HAVCR1: variants seen among roughly 807,000 people sequenced by gnomAD.
HAVCR1 encodes hepatitis A virus cellular receptor 1, also known as T cell immunoglobin domain and mucin domain protein 1.
A neutral mutation model predicts 32.0 loss-of-function variants in HAVCR1; 34 were observed. That is an observed-to-expected ratio of 1.06 (90% confidence interval 0.81 to 1.42). The LOEUF (loss-of-function observed/expected upper bound fraction) is 1.42, where lower values mean the gene tolerates loss of function less well. Among genes scored for constraint, HAVCR1 ranks in the 40% most tolerant of loss-of-function variants. The pLI is 0.00. For synonymous variants in HAVCR1, 178 were observed against 170.3 expected, an observed-to-expected ratio of 1.05 and a Z score of -0.35; for missense variants, 420 against 442.3, an observed-to-expected ratio of 0.95 and a Z score of 0.45.
chr5:157,043,945 C>T (rs1289146276), intron 5 of HAVCR1, among the ~76,000 whole-genome samples: 2 of 152,198 alleles, frequency 1.3e-5, no homozygotes. Flanking sequence ...GGTGACAATG[C>T]TATAGGGCTC....
At chr5:157,053,450 C>G (rs921847992) in intron 3 of HAVCR1, among the ~76,000 whole-genome samples, 10 of 150,312 alleles carry the variant, frequency 6.7e-5, no homozygotes, top group Non-Finnish European at 1.2e-4. Flanking sequence ...AATCCAAGTC[C>G]AAAAGCTAAG....
intron 1 of HAVCR1, chr5:157,058,472 A>T (rs1756365317): frequency 6.5e-6 from 1 of 153,356 alleles, no homozygotes; most frequent in African/African-American, 2.4e-5. Flanking sequence ...CTGAGGCAGG[A>T]GAATGGCGTG....
chr5:157,035,411 T>G (rs1301851144), intron 7 of HAVCR1, among the ~76,000 whole-genome samples: 1 of 152,164 alleles, frequency 6.6e-6, no homozygotes, highest in Non-Finnish European at 1.5e-5. Context: ...AATAGCTAAC[T>G]AGGGTTCTTT....
intron 2 of HAVCR1, among the ~76,000 whole-genome samples, chr5:157,055,917 T>TA (rs1472526546): frequency 2.0e-5 from 3 of 151,886 alleles, no homozygotes; most frequent in Non-Finnish European, 2.9e-5. Context: ...TTACTTTCTT[T>TA]AAAAAAATAT....
At chr5:157,038,213 T>C (rs1415636235) in intron 6 of HAVCR1, among the ~76,000 whole-genome samples, 11 of 152,150 alleles carry the variant, frequency 7.2e-5, no homozygotes, top group Admixed American at 6.5e-4. Context: ...TTCAACGCTA[T>C]GCAATCATGA....
chr5:157,044,297 A>G (rs909895547), intron 5 of HAVCR1, among the ~76,000 whole-genome samples: 3 of 150,396 alleles, frequency 2.0e-5, no homozygotes, highest in African/African-American at 7.4e-5. Flanking sequence ...GTGCCACTGC[A>G]CTCCAGCCTG....
chr5:157,032,777 G>A (rs1053566309), intron 8 of HAVCR1, 77 bp downstream of exon 8: 3 of 881,434 alleles, frequency 3.4e-6, no homozygotes, highest in African/African-American at 1.7e-5. Context: ...GAGAGTTTAG[G>A]AGAGAGACAG....
rs1468752468 is a variant in HAVCR1 at position 157,055,367 on chromosome 5, A to T, written c.213T>A (p.Tyr71Ter). 1 of 1,613,922 alleles carries T rather than the reference A, an allele frequency of 6.2e-7. No homozygotes were observed. Among genetic ancestry groups the T allele is most frequent in the South Asian group, 1.1e-5 (1 of 91,082 alleles). ...IVWTNGTHVT[Y>*]RKDTRYKLLG... Reference sequence around the variant, plus strand: ...ATAGCTTATAGCGTGTGTCCTTCCGATAGGTGACGTGGGTTCCATTGGTCC... The same window carrying T: ...ATAGCTTATAGCGTGTGTCCTTCCGTTAGGTGACGTGGGTTCCATTGGTCC... The change falls in exon 3 of 9, where the codon TAT (tyrosine) becomes TAA (stop). Residue 71 changes from tyrosine (Y) to a stop codon, truncating the protein, a stop_gained. Transcript: ENST00000523175. LOFTEE classifies it high-confidence loss of function.
At chr5:157,065,702 A>T in the HAVCR1 span, among the ~76,000 whole-genome samples, 6 of 152,110 alleles carry the variant, frequency 3.9e-5, no homozygotes, top group Admixed American at 6.6e-5. Flanking sequence ...TAAAAACACA[A>T]AAATTGGCCG....
chr5:157,064,476 T>C, the HAVCR1 span, among the ~76,000 whole-genome samples: 1 of 151,890 alleles, frequency 6.6e-6, no homozygotes, highest in African/African-American at 2.4e-5. Flanking sequence ...GCAAACAGGA[T>C]TTCCTGTAGG....
upstream of HAVCR1, among the ~76,000 whole-genome samples, chr5:157,063,381 G>T (rs900845164): frequency 1.3e-5 from 2 of 150,252 alleles, no homozygotes; most frequent in African/African-American, 4.9e-5. Flanking sequence ...TGCCTCCTGG[G>T]TTCAAGCGAT....
At chr5:157,036,172 G>A (rs1478797556) in intron 7 of HAVCR1, among the ~76,000 whole-genome samples, 9 of 152,172 alleles carry the variant, frequency 5.9e-5, no homozygotes, top group Non-Finnish European at 8.8e-5. Context: ...GCAAAACCCC[G>A]TCTCTACTAA....
the HAVCR1 span, among the ~76,000 whole-genome samples, chr5:157,065,229 G>T: frequency 6.6e-6 from 1 of 152,028 alleles, no homozygotes; most frequent in South Asian, 2.1e-4. Context: ...TGAGGCAGGA[G>T]AATGGTGTGA....
rs138006717 is a variant in HAVCR1 at position 157,048,889 on chromosome 5, G to C, written c.781+149C>G. On this transcript the variant is annotated intron_variant, in intron 5 of 8. Coordinates refer to ENST00000523175, the MANE Select transcript of HAVCR1 (RefSeq NM_001173393.3). ...CACCAATGACAAAACATTCAGAAAG[G>C]GTAGATATTTGTACAAGTCAAATGA... 471 of 605,852 alleles carry C rather than the reference G, an allele frequency of 7.8e-4. 1 individual carries two copies. Among genetic ancestry groups the C allele is most frequent in the African/African-American group, 7.6e-3 (408 of 53,806 alleles). The allele number at this position is 605,852 out of a possible 1,614,324, so 37.5% of individuals were successfully genotyped here.
intron 5 of HAVCR1, among the ~76,000 whole-genome samples, chr5:157,044,625 GAAAGAA>G (rs1432681131): frequency 1.6e-3 from 85 of 51,936 alleles, no homozygotes; most frequent in East Asian, 3.7e-3. Flanking sequence ...GAGAAAGAAA[GAAAGAA>G]AGAAAGAAAG....
Position 157,055,528 on chromosome 5 carries a change from C to T in HAVCR1, c.52G>A (p.Val18Ile). The T allele has an allele frequency of 1.3e-6, 2 of 1,553,856 alleles. No homozygotes were observed. Among genetic ancestry groups the T allele is most frequent in the South Asian group, 1.2e-5 (1 of 84,312 alleles). ...CCACCAACCTTTACAGAACCAGCTA[C>T]AGAATCTGCAAAGAAGAAAAGACAA... Reference protein sequence around the residue: ...LSLILHLADSVAGSVKVGGEA... With the variant: ...LSLILHLADSIAGSVKVGGEA... Residue 18 changes from valine to isoleucine, a missense_variant, in exon 3 of 9, where the codon GTA (valine) becomes ATA (isoleucine). By Grantham distance (29) the Val-to-Ile change is conservative. Coordinates refer to ENST00000523175, the MANE Select transcript of HAVCR1 (RefSeq NM_001173393.3).
upstream of HAVCR1, among the ~76,000 whole-genome samples, chr5:157,059,710 A>C (rs1463876208): frequency 1.3e-5 from 2 of 152,230 alleles, no homozygotes; most frequent in Admixed American, 6.5e-5. Context: ...CTTGCCAGGC[A>C]CAGTGGCTCA....
intron 7 of HAVCR1, among the ~76,000 whole-genome samples, chr5:157,035,982 A>T (rs1754503811): frequency 6.6e-6 from 1 of 152,150 alleles, no homozygotes; most frequent in South Asian, 2.1e-4. Flanking sequence ...GGACTTGAGC[A>T]TCTGCAGATT....
intron 5 of HAVCR1, among the ~76,000 whole-genome samples, chr5:157,044,619 A>AAGAAAG (rs1174598713): frequency 4.4e-3 from 147 of 33,382 alleles, no homozygotes; most frequent in Admixed American, 8.7e-3. Flanking sequence ...AAGAAAGAGA[A>AAGAAAG]AGAAAGAAAG....
Sources: gnomAD v4.1 joint callset for allele counts (sites outside exome capture counted in the v4.1 genomes callset) on GRCh38, gnomAD v4.1.1 for gene constraint, MANE v1.5 for transcripts, NCBI Gene and HGNC (gene_info 2026-07-23, HGNC 2026-07-21) for gene names.